Variants in ZNF608 observed in about 807,000 individuals in gnomAD.
ZNF608 encodes zinc finger protein 608.
ZNF608 carries 12 observed loss-of-function variants against 109.0 expected under a neutral mutation model. The ratio of observed to expected loss-of-function variants is 0.11; its 90% CI spans 0.07 to 0.18. The LOEUF (loss-of-function observed/expected upper bound fraction) is 0.18. Ranked by LOEUF, ZNF608 falls within the 10% of genes least tolerant of loss-of-function variation. ZNF608 has a pLI of 1.00. For synonymous variants in ZNF608, 732 were observed against 717.4 expected (o/e 1.02, Z -0.33); for missense variants, 1,707 against 1,879.3 (o/e 0.91, Z 1.70).
Position 124,746,559 on chromosome 5 carries a change from T to C in ZNF608, c.-548A>G. On this transcript the variant is annotated 5_prime_UTR_variant, in exon 1 of 10. Coordinates refer to ENST00000513986, the MANE Select transcript of ZNF608 (RefSeq NM_020747.3). ...GAAAAAAGTTTTCCCAACTTCTCAT[T>C]CCGCCTTCAGTTCCAGACTTCAGAG... is the stretch of plus-strand genomic sequence containing the variant. 1 of 985,420 alleles carries C rather than the reference T, an allele frequency of 1.0e-6. No individual in the cohort carries two copies. The highest frequency in any genetic ancestry group is 1.2e-6 in the Non-Finnish European group (1 of 829,924). The allele number at this position is 985,420 out of a possible 1,614,324, so 61.0% of individuals were successfully genotyped here.
rs773470728 is a variant in ZNF608, at chr5:124,647,224, G to T, written c.3160C>A (p.His1054Asn). ...AEQLDSKKVD[H>N]NSASLQPQHQ... ...TGAGGCTGTAAGGATGCAGAATTGTGGTCCACTTTCTTAGAATCTAACTGC... is the reference window on the plus strand; with the variant it reads ...TGAGGCTGTAAGGATGCAGAATTGTTGTCCACTTTCTTAGAATCTAACTGC... Residue 1054 changes from histidine (H) to asparagine (N), a missense_variant, in exon 5 of 10, where the codon CAC becomes AAC. His to Asn is a moderately conservative substitution (Grantham distance 68). Transcript: ENST00000513986. The T allele has an allele frequency of 1.2e-6, 2 of 1,614,164 alleles. No individual in the cohort carries two copies. The highest frequency in any genetic ancestry group is 1.7e-6 in the Non-Finnish European group (2 of 1,180,034).
chr5:124,683,159 A>G (rs138282270), intron 3 of ZNF608, among the ~76,000 whole-genome samples: 107 of 152,258 alleles, frequency 7.0e-4, no homozygotes, highest in African/African-American at 2.5e-3. Flanking sequence ...GCCAAAAACC[A>G]TGTAAGGAAG....
At chr5:124,738,535 C>T (rs1449740590) in intron 2 of ZNF608, among the ~76,000 whole-genome samples, 1 of 152,226 alleles carries the variant, frequency 6.6e-6, no homozygotes, top group African/African-American at 2.4e-5. Context: ...GCCACCTCTT[C>T]TACACCTCTA....
At chr5:124,673,422 CATTTAT>C (rs1261585916) in intron 3 of ZNF608, among the ~76,000 whole-genome samples, 3 of 152,126 alleles carry the variant, frequency 2.0e-5, no homozygotes, top group African/African-American at 7.2e-5. Context: ...CACTGTAAAA[CATTTAT>C]ATTTATCCTC....
At chr5:124,660,322 A>G (rs937391548) in intron 3 of ZNF608, among the ~76,000 whole-genome samples, 1 of 152,034 alleles carries the variant, frequency 6.6e-6, no homozygotes, top group African/African-American at 2.4e-5. Context: ...GAGAAACCAG[A>G]CTCAGTTTCA....
intron 2 of ZNF608, among the ~76,000 whole-genome samples, chr5:124,740,697 C>G (rs994342501): frequency 6.6e-6 from 1 of 152,124 alleles, no homozygotes; most frequent in Non-Finnish European, 1.5e-5. Context: ...ACCTTTATGA[C>G]CAGGGCCATC....
At chr5:124,642,570 G>T (rs1750291557) in intron 7 of ZNF608, among the ~76,000 whole-genome samples, 1 of 152,108 alleles carries the variant, frequency 6.6e-6, no homozygotes, top group African/African-American at 2.4e-5. Flanking sequence ...GATAAGTGAT[G>T]CAGATTAGGG....
chr5:124,742,885 A>G (rs866425015), intron 2 of ZNF608, among the ~76,000 whole-genome samples: 5 of 152,188 alleles, frequency 3.3e-5, no homozygotes, highest in African/African-American at 1.2e-4. Context: ...AAAAAAATCA[A>G]AATTATTTAA....
At chr5:124,737,677 C>T (rs949969934) in intron 2 of ZNF608, among the ~76,000 whole-genome samples, 8 of 152,178 alleles carry the variant, frequency 5.3e-5, no homozygotes, top group Non-Finnish European at 1.2e-4. Flanking sequence ...TTTTCTACTA[C>T]ATTCCCAAAG....
Position 124,678,943 on chromosome 5 carries a change from C to A in ZNF608, c.1162+22071G>T, listed in dbSNP as rs529221903. 7.9e-5 allele frequency among the ~76,000 whole-genome samples: 12 copies of A among 152,332 alleles called. No homozygotes were observed. The South Asian group carries it at 1.4e-3, about 18-fold the overall frequency. ...TTTGGTCCTGCCAGTTCAGTAAACACCCCGGCCTTTCTTATTGCCGTGCAG... is the reference window on the plus strand; with the variant it reads ...TTTGGTCCTGCCAGTTCAGTAAACAACCCGGCCTTTCTTATTGCCGTGCAG... On this transcript the variant is annotated intron_variant, in intron 3 of 9. Transcript: ENST00000513986.
chr5:124,678,767 T>A lies in ZNF608; in HGVS notation c.1162+22247A>T, dbSNP rs1251437508. Among the ~76,000 whole-genome samples, 3 of 152,140 alleles carry A rather than the reference T, an allele frequency of 2.0e-5. No homozygotes were observed. The East Asian group carries it at 5.8e-4, about 29-fold the overall frequency. ...CTCTGATTCTTCCTTTCCCAACAGG[T>A]AAGTGACTGGACTCTAGTGCTCCTT... On this transcript the variant is annotated intron_variant, in intron 3 of 9. Coordinates refer to ENST00000513986, the MANE Select transcript of ZNF608 (RefSeq NM_020747.3).
chr5:124,697,836 T>C lies in ZNF608; in HGVS notation c.1162+3178A>G, dbSNP rs112140744. ...AAATAAATCACAGTAATATTCAATA[T>C]TCCCCCCAAAGAGTGCAGGCATGAA... On this transcript the variant is annotated intron_variant, in intron 3 of 9. Transcript: ENST00000513986. Among the ~76,000 whole-genome samples the C allele has an allele frequency of 8.9e-3, 1,355 of 152,254 alleles. 33 individuals are homozygous for C. Among genetic ancestry groups the C allele is most frequent in the African/African-American group, 0.031 (1,271 of 41,548 alleles).
intron 2 of ZNF608, among the ~76,000 whole-genome samples, chr5:124,703,213 C>T (rs1580659485): frequency 6.6e-6 from 1 of 152,262 alleles, no homozygotes; most frequent in East Asian, 1.9e-4. Flanking sequence ...ATATTCTTCA[C>T]ATCACCTGAT....
intron 3 of ZNF608, among the ~76,000 whole-genome samples, chr5:124,677,606 A>C (rs1409975692): frequency 6.6e-6 from 1 of 152,222 alleles, no homozygotes; most frequent in African/African-American, 2.4e-5. Context: ...GAACAGTGGC[A>C]GGCAGCCAAC....
rs545392101 is a variant in ZNF608 at position 124,641,176 on chromosome 5, A to G, written c.4450+76T>C. 1.9e-4 allele frequency: 308 copies of G among 1,584,500 alleles called. 1 individual carries two copies. Among genetic ancestry groups the G allele is most frequent in the Non-Finnish European group, 2.5e-4 (294 of 1,155,700 alleles). On this transcript the variant is annotated intron_variant, in intron 8 of 9. Transcript: ENST00000513986. The stretch of plus-strand genomic sequence containing the variant: ...GTGAACTCAAAGCTCAATATTTTTA[A>G]GATGTGAAATGCAATTTTAGCAACT...
intron 2 of ZNF608, among the ~76,000 whole-genome samples, chr5:124,706,278 G>A (rs1319986773): frequency 6.6e-6 from 1 of 152,158 alleles, no homozygotes; most frequent in Non-Finnish European, 1.5e-5. Flanking sequence ...ATAACATCTG[G>A]CTCATGTGAC....
At chr5:124,714,921 A>G (rs1046556196) in intron 2 of ZNF608, among the ~76,000 whole-genome samples, 1 of 152,224 alleles carries the variant, frequency 6.6e-6, no homozygotes. Flanking sequence ...CCAACTACAT[A>G]GTAAGATTTT....
Position 124,744,600 on chromosome 5 carries a change from G to C in ZNF608, c.390C>G (p.Ile130Met), listed in dbSNP as rs1309677237. The change falls in exon 2 of 10, where the codon ATC becomes ATG. Residue 130 changes from isoleucine (I) to methionine (M), a missense_variant. This residue lies in a region of ZNF608 where 407 missense variants were observed against 398.7 expected (regional missense o/e 1.02). Coordinates refer to ENST00000513986, the MANE Select transcript of ZNF608 (RefSeq NM_020747.3). This position sits in a 1 kb window ranked among gnomAD's most constrained non-coding sequence, Gnocchi z 4.5. Reference sequence around the variant, plus strand: ...CTTCCTGCCTCTTGCCAGTGCTGCTGATCTCGGGAATCCCATACAAGGCAG... The same window carrying C: ...CTTCCTGCCTCTTGCCAGTGCTGCTCATCTCGGGAATCCCATACAAGGCAG... The part of the protein sequence containing the change: ...PSAALYGIPE[I>M]SSTGKRQEVQ... 5 of 1,614,114 alleles carry C rather than the reference G, an allele frequency of 3.1e-6. No homozygotes were observed. Among genetic ancestry groups the C allele is most frequent in the African/African-American group, 1.3e-5 (1 of 74,944 alleles).
chr5:124,643,478 A>G (rs550488590), intron 7 of ZNF608, 33 bp downstream of exon 7: 1 of 1,606,074 alleles, frequency 6.2e-7, no homozygotes, highest in Non-Finnish European at 8.5e-7. Flanking sequence ...CCCAAATCAC[A>G]GTACTTTTAA....
Sources: allele counts gnomAD v4.1 joint callset (sites outside exome capture counted in the v4.1 genomes callset), GRCh38; gene constraint gnomAD v4.1.1; regional missense constraint gnomAD v4.1.1; non-coding constraint Gnocchi (gnomAD v3.1); transcripts MANE v1.5; gene names NCBI Gene and HGNC (gene_info 2026-07-23, HGNC 2026-07-21).